Variants in PCDH11Y observed in about 807,000 individuals in gnomAD.
The protein encoded by PCDH11Y is protocadherin-11 Y-linked.
For synonymous variants in PCDH11Y, 9 were observed against 83.6 expected (o/e 0.11, Z 4.87); for missense variants, 12 against 224.8 (o/e 0.05, Z 6.05).
intron 2 of PCDH11Y, among the ~76,000 whole-genome samples, chrY:5,326,280 C>CA (rs2053120265): frequency 6.2e-5 from 2 of 32,385 alleles, no homozygotes; most frequent in South Asian, 7.0e-4. Context: ...TTTCCTGACT[C>CA]GGGCATGTTG....
chrY:5,280,296 G>T, intron 2 of PCDH11Y, among the ~76,000 whole-genome samples: 1 of 32,087 alleles, frequency 3.1e-5, no homozygotes, highest in Non-Finnish European at 7.6e-5. Flanking sequence ...TTCACCGTCT[G>T]ATAGGCCCCA....
intron 2 of PCDH11Y, among the ~76,000 whole-genome samples, chrY:5,200,937 G>A (rs1602885496): frequency 5.9e-5 from 2 of 33,967 alleles, no homozygotes; most frequent in South Asian, 1.3e-3. Flanking sequence ...CAGGATAATT[G>A]AATTTTTCAT....
intron 3 of PCDH11Y, among the ~76,000 whole-genome samples, chrY:5,044,808 A>T: frequency 3.0e-5 from 1 of 32,998 alleles, no homozygotes; most frequent in Non-Finnish European, 7.4e-5. Context: ...TATTGGGTGC[A>T]TATATATTTA....
chrY:5,373,037 A>C (rs1602913773), intron 2 of PCDH11Y, among the ~76,000 whole-genome samples: 1 of 1,292 alleles, frequency 7.7e-4, no homozygotes, highest in African/African-American at 5.3e-3. Context: ...TCCTTCCTTC[A>C]TTCCTTTCCT....
chrY:5,242,891 A>G, intron 2 of PCDH11Y, among the ~76,000 whole-genome samples: 1 of 33,971 alleles, frequency 2.9e-5, no homozygotes, highest in Non-Finnish European at 7.3e-5. Context: ...ATCAATATTA[A>G]CATCTGCAAA....
At chrY:5,622,619 G>T in intron 4 of PCDH11Y, among the ~76,000 whole-genome samples, 1 of 32,720 alleles carries the variant, frequency 3.1e-5, no homozygotes, top group Non-Finnish European at 7.4e-5. Context: ...GTTCATTGAA[G>T]CACTATTTAC....
chrY:5,471,018 A>G, intron 2 of PCDH11Y, among the ~76,000 whole-genome samples: 3 of 31,351 alleles, frequency 9.6e-5, no homozygotes, highest in African/African-American at 3.7e-4. Flanking sequence ...TTTAAACTTT[A>G]GTTTAAAGCA....
intron 1 of PCDH11Y, among the ~76,000 whole-genome samples, chrY:5,069,255 G>C: frequency 3.0e-5 from 1 of 33,168 alleles, no homozygotes; most frequent in African/African-American, 1.2e-4. Context: ...AAACAGACAT[G>C]GAAAACGGGC....
chrY:5,130,302 G>A, intron 2 of PCDH11Y, among the ~76,000 whole-genome samples: 1 of 33,336 alleles, frequency 3.0e-5, no homozygotes, highest in Admixed American at 2.7e-4. Context: ...AAAGTAAACA[G>A]AAAACCAACA....
intron 2 of PCDH11Y, among the ~76,000 whole-genome samples, chrY:5,490,285 T>G: frequency 1.5e-4 from 5 of 33,359 alleles, no homozygotes; most frequent in Non-Finnish European, 3.7e-4. Flanking sequence ...GAGGCATCTT[T>G]TCACCGTGTA....
At chrY:5,557,052 A>AT (rs2053423400) in intron 3 of PCDH11Y, among the ~76,000 whole-genome samples, 2 of 32,308 alleles carry the variant, frequency 6.2e-5, no homozygotes, top group African/African-American at 1.2e-4. Context: ...GTATCATGCT[A>AT]TTTTTTTTAT....
intron 3 of PCDH11Y, among the ~76,000 whole-genome samples, chrY:5,521,630 A>G: frequency 3.4e-5 from 1 of 29,678 alleles, no homozygotes. Flanking sequence ...TCCCTTTATC[A>G]TTATTATTTG....
intron 2 of PCDH11Y, among the ~76,000 whole-genome samples, chrY:5,140,623 A>G: frequency 3.1e-5 from 1 of 32,402 alleles, no homozygotes; most frequent in Non-Finnish European, 7.5e-5. Context: ...ATACATAACA[A>G]TAAGTTAGGT....
chrY:5,371,064 C>A, intron 2 of PCDH11Y, among the ~76,000 whole-genome samples: 1 of 32,640 alleles, frequency 3.1e-5, no homozygotes, highest in Non-Finnish European at 7.5e-5. Flanking sequence ...CTCTTTTCTT[C>A]CTGCCTACGA....
At chrY:5,413,474 G>A (rs1394743648) in intron 2 of PCDH11Y, among the ~76,000 whole-genome samples, 2 of 28,575 alleles carry the variant, frequency 7.0e-5, no homozygotes, top group Non-Finnish European at 1.8e-4. Flanking sequence ...TAAGAATTCC[G>A]TCATTATCTT....
intron 2 of PCDH11Y, among the ~76,000 whole-genome samples, chrY:5,167,517 T>TTG (rs56931360): frequency 0.051 from 663 of 13,078 alleles, no homozygotes; most frequent in Non-Finnish European, 0.078. Flanking sequence ...ATCTCTTGGA[T>TTG]TGTGTGTGTG....
Position 5,176,397 on chromosome Y carries a change from A to G in PCDH11Y, c.3129+75690A>G, listed in dbSNP as rs1413217561. Among the ~76,000 whole-genome samples, 59 of 27,781 alleles carry G rather than the reference A, an allele frequency of 2.1e-3. No homozygotes were observed. The East Asian group carries it at 0.053, about 25-fold the overall frequency. The allele number at this position is 27,781 out of a possible 37,273, so 74.5% of individuals were successfully genotyped here. ...TAGTTTAATTAGATCCCATTTGTCA[A>G]TTTTGGCTTTTGTTGCCATTGCTTT... On this transcript the variant is annotated intron_variant, in intron 2 of 4. Transcript: ENST00000400457.
intron 2 of PCDH11Y, among the ~76,000 whole-genome samples, chrY:5,467,553 T>C (rs1230122628): frequency 6.1e-5 from 2 of 32,870 alleles, no homozygotes; most frequent in Non-Finnish European, 1.5e-4. Flanking sequence ...ATAGAATGAA[T>C]AGATCACCAG....
chrY:5,401,854 C>T, intron 2 of PCDH11Y, among the ~76,000 whole-genome samples: 7 of 33,582 alleles, frequency 2.1e-4, no homozygotes, highest in Non-Finnish European at 5.1e-4. Flanking sequence ...CTGTCCTGTA[C>T]GATCCAGCAT....
Sources: allele counts gnomAD v4.1 joint callset (sites outside exome capture counted in the v4.1 genomes callset), GRCh38; gene constraint gnomAD v4.1.1; transcripts MANE v1.5; gene names NCBI Gene and HGNC (gene_info 2026-07-23, HGNC 2026-07-21).